The following TMEM164 variants were observed in gnomAD, a reference collection of about 807,000 sequenced individuals.
TMEM164 encodes the protein transmembrane protein 164.
TMEM164 carries 4 observed loss-of-function variants against 18.8 expected under a neutral mutation model. The observed-to-expected ratio is 0.21, with a 90% CI of 0.10 to 0.49. TMEM164 has a LOEUF of 0.49. Ranked by LOEUF, TMEM164 falls within the 20% of genes least tolerant of loss-of-function variation. TMEM164 has a pLI of 0.98. For missense variants in TMEM164, 108 were observed against 239.9 expected (o/e 0.45, Z 3.63); for synonymous variants, 86 against 101.7 (o/e 0.85, Z 0.93).
Position 110,168,644 on chromosome X carries a change from T to C in TMEM164, c.587-2776T>C, listed in dbSNP as rs192572157. On this transcript the variant is annotated intron_variant, in intron 5 of 6. Coordinates refer to ENST00000372068, the MANE Select transcript of TMEM164 (RefSeq NM_032227.4). ...CATGAGCCTAAAGCAAGCCTGAGCTTCTTCCACAGAAGAGCCCCCAGCCCT... is the reference window on the plus strand; with the variant it reads ...CATGAGCCTAAAGCAAGCCTGAGCTCCTTCCACAGAAGAGCCCCCAGCCCT... 3.5e-5 allele frequency among the ~76,000 whole-genome samples: 4 copies of C among 112,894 alleles called. No homozygotes were observed. The Admixed American group carries it at 3.7e-4, about 10-fold the overall frequency.
intron 4 of TMEM164, among the ~76,000 whole-genome samples, chrX:110,126,993 A>T (rs2066541779): frequency 1.8e-5 from 2 of 110,687 alleles, no homozygotes; most frequent in Non-Finnish European, 3.8e-5. Flanking sequence ...TTTGTGCCTT[A>T]TGCCACATGC....
At chrX:110,017,497 TCCC>T (rs1933503107) in intron 2 of TMEM164, among the ~76,000 whole-genome samples, 1 of 1,497 alleles carries the variant, frequency 6.7e-4, no homozygotes, top group African/African-American at 8.8e-4. Context: ...CCTCCCTCCC[TCCC>T]TCCCTCCCTC....
chrX:110,025,167 G>T lies in TMEM164; in HGVS notation c.390+21003G>T, dbSNP rs149886680. On this transcript the variant is annotated intron_variant, in intron 2 of 6. Transcript: ENST00000372068. Reference sequence around the variant, plus strand: ...CACGTATGTCTCCAGGTTCTTATAAGGCAGAATAGACTAGGTACTGCTATT... The same window carrying T: ...CACGTATGTCTCCAGGTTCTTATAATGCAGAATAGACTAGGTACTGCTATT... Among the ~76,000 whole-genome samples, 985 of 111,221 alleles carry T rather than the reference G, an allele frequency of 8.9e-3. 17 individuals carry two copies. The highest frequency in any genetic ancestry group is 0.03 in the African/African-American group (929 of 30,553).
chrX:110,074,692 C>T (rs1339145268), intron 3 of TMEM164, among the ~76,000 whole-genome samples: 1 of 112,079 alleles, frequency 8.9e-6, no homozygotes, highest in Admixed American at 9.5e-5. Flanking sequence ...CCAGTTTTCT[C>T]AGCACCATTT....
intron 4 of TMEM164, among the ~76,000 whole-genome samples, chrX:110,139,910 G>C (rs1030943013): frequency 1.8e-5 from 2 of 111,019 alleles, no homozygotes; most frequent in African/African-American, 6.6e-5. Context: ...GTGGTGGCTG[G>C]ATAGTAGGGT....
At chrX:110,027,792 TA>T (rs1285290978) in intron 2 of TMEM164, among the ~76,000 whole-genome samples, 3 of 111,164 alleles carry the variant, frequency 2.7e-5, no homozygotes, top group Non-Finnish European at 3.8e-5. Flanking sequence ...AATAAATAAA[TA>T]AAATAAAATA....
intron 2 of TMEM164, chrX:110,020,747 G>A: frequency 1.4e-6 from 1 of 696,266 alleles, no homozygotes; most frequent in Non-Finnish European, 1.7e-6. Context: ...AAATGTTAAT[G>A]TGTGAAGAGT....
At chrX:110,151,038 G>A (rs1045373159) in intron 5 of TMEM164, among the ~76,000 whole-genome samples, 9 of 111,939 alleles carry the variant, frequency 8.0e-5, no homozygotes, top group African/African-American at 2.6e-4. Flanking sequence ...GACAGTCCCC[G>A]GATTTGAAGC....
At chrX:110,143,883 C>T (rs2066811123) in intron 4 of TMEM164, among the ~76,000 whole-genome samples, 1 of 110,711 alleles carries the variant, frequency 9.0e-6, no homozygotes, top group African/African-American at 3.3e-5. Context: ...GAGGCTAGGC[C>T]TCTTGTCAGC....
In TMEM164 at chrX:110,010,453, C is replaced by T. The variant is rs539102817; in HGVS notation, c.390+6289C>T. Among the ~76,000 whole-genome samples the T allele has an allele frequency of 1.6e-4, 18 of 112,793 alleles. 1 individual carries two copies. In the Admixed American group the frequency reaches 1.7e-3, roughly 11 times the overall value. ...GCGAAGAGACTCTGGATGTGGAAAG[C>T]GGTGATTGTCAAACTTTATTTGTAA... On this transcript the variant is annotated intron_variant, in intron 2 of 6. Coordinates refer to ENST00000372068, the MANE Select transcript of TMEM164 (RefSeq NM_032227.4).
At chrX:110,171,108 G>A (rs1195713053) in intron 5 of TMEM164, among the ~76,000 whole-genome samples, 3 of 112,362 alleles carry the variant, frequency 2.7e-5, no homozygotes, top group Non-Finnish European at 5.6e-5. Flanking sequence ...AGAAAATCCT[G>A]AGGCAGAGAA....
At chrX:110,183,802 G>A (rs959650322), downstream of TMEM164, among the ~76,000 whole-genome samples, 1 of 112,251 alleles carries the variant, frequency 8.9e-6, no homozygotes, top group African/African-American at 3.2e-5. Flanking sequence ...ATTGAAAAGT[G>A]TATAACATGG....
At chrX:110,040,500 C>T (rs1043922781) in intron 2 of TMEM164, among the ~76,000 whole-genome samples, 3 of 111,772 alleles carry the variant, frequency 2.7e-5, no homozygotes, top group East Asian at 5.6e-4. Context: ...ATCAGCATAC[C>T]GGTTCCCAGC....
At chrX:110,007,590 C>T (rs1462444087) in intron 2 of TMEM164, among the ~76,000 whole-genome samples, 1 of 112,265 alleles carries the variant, frequency 8.9e-6, no homozygotes, top group African/African-American at 3.2e-5. Context: ...GTTAGTGGCA[C>T]AGGTGGCTTT....
chrX:110,103,976 T>G (rs961145867), intron 3 of TMEM164, among the ~76,000 whole-genome samples: 7 of 111,279 alleles, frequency 6.3e-5, no homozygotes, highest in Non-Finnish European at 1.1e-4. Flanking sequence ...TTTGACAATT[T>G]GAAAAAATTT....
At chrX:110,055,192 C>T (rs1441993872) in intron 2 of TMEM164, 5 of 312,406 alleles carry the variant, frequency 1.6e-5, no homozygotes, top group Non-Finnish European at 3.2e-5. Context: ...TATGGCCATG[C>T]TATTCTCTTG....
intron 5 of TMEM164, among the ~76,000 whole-genome samples, chrX:110,148,219 A>G (rs1250235123): frequency 1.8e-5 from 2 of 109,792 alleles, no homozygotes; most frequent in East Asian, 2.9e-4. Context: ...TTTCCTGTCT[A>G]CTCTGTTCAA....
chrX:110,016,363 G>C (rs1004406643), intron 2 of TMEM164, among the ~76,000 whole-genome samples: 10 of 111,711 alleles, frequency 9.0e-5, no homozygotes, highest in African/African-American at 2.3e-4. Flanking sequence ...AGTTATAACT[G>C]TCTGTGGACA....
chrX:110,155,447 C>T (rs2067003775), intron 5 of TMEM164, among the ~76,000 whole-genome samples: 2 of 110,837 alleles, frequency 1.8e-5, no homozygotes, highest in South Asian at 3.8e-4. Context: ...AGTGGCTCTA[C>T]TCTCCATCCA....
Sources: allele counts gnomAD v4.1 joint callset (sites outside exome capture counted in the v4.1 genomes callset), GRCh38; gene constraint gnomAD v4.1.1; transcripts MANE v1.5; gene names NCBI Gene and HGNC (gene_info 2026-07-23, HGNC 2026-07-21).